GAP43: variants seen among roughly 807,000 people sequenced by gnomAD.
GAP43 encodes the protein neuromodulin.
In GAP43, 6 loss-of-function variants were observed where a neutral mutation model predicts 18.6. That is an observed-to-expected ratio of 0.32 (90% confidence interval 0.18 to 0.64). GAP43 has a LOEUF of 0.64. Among genes scored for constraint, GAP43 ranks in the 30% least tolerant of loss-of-function variants. The pLI, the probability that GAP43 is intolerant of heterozygous loss-of-function variation, is 0.78. For synonymous variants in GAP43, 115 were observed against 111.4 expected (o/e 1.03, Z -0.20); for missense variants, 292 against 295.5 (o/e 0.99, Z 0.09).
chr3:115,625,398 C>T (rs1296980228), intron 1 of GAP43, among the ~76,000 whole-genome samples: 1 of 151,906 alleles, frequency 6.6e-6, no homozygotes, highest in Non-Finnish European at 1.5e-5. Flanking sequence ...TCTGTGTCCT[C>T]CTTCATTTTA....
intron 2 of GAP43, among the ~76,000 whole-genome samples, chr3:115,716,714 ACAAATATATATATAT>A (rs1559809037): frequency 0.024 from 1,543 of 63,926 alleles, 92 homozygotes; most frequent in African/African-American, 0.052. Flanking sequence ...TTAATCTCAG[ACAAATATATATATAT>A]ATATATATAT....
intron 2 of GAP43, among the ~76,000 whole-genome samples, chr3:115,699,884 T>C (rs1158183311): frequency 6.6e-6 from 1 of 152,152 alleles, no homozygotes; most frequent in Non-Finnish European, 1.5e-5. Flanking sequence ...TGAGGTAAAA[T>C]TTTTTTCACA....
chr3:115,685,196 A>G (rs1207377059), intron 2 of GAP43, among the ~76,000 whole-genome samples: 2 of 152,192 alleles, frequency 1.3e-5, no homozygotes, highest in Non-Finnish European at 2.9e-5. Context: ...TTAGGGCTTC[A>G]TAGACCAGTG....
intron 1 of GAP43, among the ~76,000 whole-genome samples, chr3:115,627,158 A>G (rs1347679291): frequency 1.7e-5 from 2 of 118,210 alleles, no homozygotes; most frequent in African/African-American, 6.7e-5. Context: ...TTGCCAAATT[A>G]TCTGGACTTG....
In GAP43 at chr3:115,633,120, C is replaced by T. The variant is rs757178962; in HGVS notation, c.30+9401C>T. Among the ~76,000 whole-genome samples, 75 of 152,164 alleles carry T rather than the reference C, an allele frequency of 4.9e-4. 2 individuals are homozygous for T. The highest frequency in any genetic ancestry group is 4.0e-4 in the Non-Finnish European group (27 of 67,990). ...AATAACAGGAATTCATAAACTCTTT[C>T]TGGGGCCCTGCATCAAAAAAGACTC... is the stretch of plus-strand genomic sequence containing the variant. On this transcript the variant is annotated intron_variant, in intron 1 of 2. Transcript: ENST00000305124.
intron 2 of GAP43, among the ~76,000 whole-genome samples, chr3:115,688,971 GC>G (rs1294775399): frequency 6.6e-6 from 1 of 152,202 alleles, no homozygotes; most frequent in Non-Finnish European, 1.5e-5. Flanking sequence ...CTTCTGCTCA[GC>G]CCTTCTTCCC....
intron 1 of GAP43, among the ~76,000 whole-genome samples, chr3:115,633,513 C>G (rs1452402457): frequency 6.6e-6 from 1 of 152,040 alleles, no homozygotes; most frequent in Non-Finnish European, 1.5e-5. Context: ...GTGTGGTGGA[C>G]TATTCATTTT....
chr3:115,663,892 C>T, intron 1 of GAP43: 1 of 1,552,092 alleles, frequency 6.4e-7, no homozygotes, highest in Non-Finnish European at 8.7e-7. Context: ...ATTCACTTGG[C>T]TTCTTGACTT....
chr3:115,699,779 A>G (rs1709273994), intron 2 of GAP43, among the ~76,000 whole-genome samples: 1 of 152,186 alleles, frequency 6.6e-6, no homozygotes, highest in African/African-American at 2.4e-5. Context: ...ATTTTAAATT[A>G]GGAAACAGTG....
chr3:115,661,831 C>CTTTTTTTTTTTTTTTT lies in GAP43; in HGVS notation c.31-14168_31-14167insTTTTTTTTTTTTTTTT, dbSNP rs56209932. Among the ~76,000 whole-genome samples the CTTTTTTTTTTTTTTTT allele has an allele frequency of 4.6e-4, 49 of 105,942 alleles. 3 individuals carry two copies. The highest frequency in any genetic ancestry group is 6.1e-4 in the African/African-American group (15 of 24,554). 69.5% of individuals were successfully genotyped at this position (105,942 alleles called of 152,430 possible). A position where few individuals can be genotyped will look rare whatever the true frequency, so the allele number is the denominator to read the frequency against. On this transcript the variant is annotated intron_variant, in intron 1 of 2. Coordinates refer to ENST00000305124, the MANE Select transcript of GAP43 (RefSeq NM_002045.4). ...AGTTTGGCTTGGGGAGAAACTAGGGCTTTTTTTTTTTTTTACCTGGGAGCT... is the reference window on the plus strand; with the variant it reads ...AGTTTGGCTTGGGGAGAAACTAGGGCTTTTTTTTTTTTTTTTTTTTTTTTTTTTTTACCTGGGAGCT...
At chr3:115,698,043 T>TTATATATAATA (rs1344687581) in intron 2 of GAP43, among the ~76,000 whole-genome samples, 3 of 67,346 alleles carry the variant, frequency 4.5e-5, no homozygotes, top group African/African-American at 3.1e-4. Context: ...AAAATATATA[T>TTATATATAATA]TATATATTAT....
chr3:115,669,480 G>A lies in GAP43; in HGVS notation c.31-6533G>A, dbSNP rs569131368. Among the ~76,000 whole-genome samples, 10 of 152,282 alleles carry A rather than the reference G, an allele frequency of 6.6e-5. No homozygotes were observed. The East Asian group carries it at 1.9e-3, about 29-fold the overall frequency. The stretch of plus-strand genomic sequence containing the variant: ...GTGCCAGGCACCATTCTAGAAACTG[G>A]CATTCAGCTCTAAGTAAAATAGACA... On this transcript the variant is annotated intron_variant, in intron 1 of 2. Coordinates refer to ENST00000305124, the MANE Select transcript of GAP43 (RefSeq NM_002045.4).
intron 1 of GAP43, among the ~76,000 whole-genome samples, chr3:115,627,228 A>G (rs1708201778): frequency 6.7e-6 from 1 of 148,778 alleles, no homozygotes; most frequent in Non-Finnish European, 1.5e-5. Context: ...GTGACTCTAT[A>G]ATTCCTTCTA....
intron 2 of GAP43, among the ~76,000 whole-genome samples, chr3:115,680,744 G>C (rs919857757): frequency 6.6e-6 from 1 of 152,074 alleles, no homozygotes; most frequent in Non-Finnish European, 1.5e-5. Flanking sequence ...TTAACGAAAA[G>C]AATAGATGCA....
At chr3:115,681,240 A>G (rs1004456209) in intron 2 of GAP43, among the ~76,000 whole-genome samples, 1 of 152,020 alleles carries the variant, frequency 6.6e-6, no homozygotes, top group Non-Finnish European at 1.5e-5. Context: ...TTTTCTTTCT[A>G]TTTTTATATT....
chr3:115,693,156 G>A lies in GAP43; in HGVS notation c.628+16546G>A, dbSNP rs960757970. On this transcript the variant is annotated intron_variant, in intron 2 of 2. Coordinates refer to ENST00000305124, the MANE Select transcript of GAP43 (RefSeq NM_002045.4). Reference sequence around the variant, plus strand: ...GTCCTCGTCTTTTCAACATAGAGATGGAGGTGGCGATTCCAGGCCCACTGC... The same window carrying A: ...GTCCTCGTCTTTTCAACATAGAGATAGAGGTGGCGATTCCAGGCCCACTGC... Among the ~76,000 whole-genome samples the A allele has an allele frequency of 3.7e-4, 56 of 152,200 alleles. 1 individual carries two copies. Among genetic ancestry groups the A allele is most frequent in the Non-Finnish European group, 6.0e-4 (41 of 68,030 alleles).
chr3:115,696,578 GC>G (rs71141833), intron 2 of GAP43, among the ~76,000 whole-genome samples: 1,241 of 55,174 alleles, frequency 0.022, 25 homozygotes, highest in South Asian at 0.033. Flanking sequence ...GCCCCCCACC[GC>G]CCCCCCCCCC....
chr3:115,716,759 T>TATATATATATATAC (rs1709511970), intron 2 of GAP43, among the ~76,000 whole-genome samples: 3 of 107,720 alleles, frequency 2.8e-5, no homozygotes, highest in Admixed American at 9.1e-5. Context: ...TATATATATA[T>TATATATATATATAC]ATATATATAC....
Position 115,661,831 on chromosome 3 carries a change from C to CTTTTTTT in GAP43, c.31-14174_31-14168dup, listed in dbSNP as rs56209932. 1.1e-4 allele frequency among the ~76,000 whole-genome samples: 12 copies of CTTTTTTT among 105,970 alleles called. 1 individual carries two copies. The highest frequency in any genetic ancestry group is 2.9e-4 in the African/African-American group (7 of 24,548). 69.5% of individuals were successfully genotyped at this position (105,970 alleles called of 152,430 possible). On this transcript the variant is annotated intron_variant, in intron 1 of 2. Coordinates refer to ENST00000305124, the MANE Select transcript of GAP43 (RefSeq NM_002045.4). ...AGTTTGGCTTGGGGAGAAACTAGGG[C>CTTTTTTT]TTTTTTTTTTTTTTACCTGGGAGCT... is the stretch of plus-strand genomic sequence containing the variant.
Sources: gnomAD v4.1 joint callset for allele counts (sites outside exome capture counted in the v4.1 genomes callset) on GRCh38, gnomAD v4.1.1 for gene constraint, MANE v1.5 for transcripts, NCBI Gene and HGNC (gene_info 2026-07-23, HGNC 2026-07-21) for gene names.